SMYD5: variants seen among roughly 807,000 people sequenced by gnomAD.
SMYD5 encodes the protein SMYD family member 5.
Under a neutral mutation model 57.4 loss-of-function variants are expected in SMYD5, and 35 were observed. The observed-to-expected ratio is 0.61, with a 90% confidence interval of 0.47 to 0.81. SMYD5 has a LOEUF of 0.81. Ranked by LOEUF, SMYD5 falls within the 30% of genes least tolerant of loss-of-function variation. SMYD5 has a pLI of 0.00. For synonymous variants in SMYD5, 198 were observed against 189.7 expected (o/e 1.04, Z -0.36); for missense variants, 471 against 527.9 (o/e 0.89, Z 1.06).
At chr2:73,215,070 A>C (rs1392901476) in intron 1 of SMYD5, among the ~76,000 whole-genome samples, 2 of 152,214 alleles carry the variant, frequency 1.3e-5, no homozygotes, top group African/African-American at 4.8e-5. Flanking sequence ...ATTAAGTTTT[A>C]AGAGCTGAGT....
rs755109048 is a variant in SMYD5 at position 73,220,152 on chromosome 2, G to A, written c.307G>A (p.Val103Met). The A allele has an allele frequency of 1.2e-6, 2 of 1,614,182 alleles. No individual in the cohort carries two copies. Among genetic ancestry groups the A allele is most frequent in the Admixed American group, 3.3e-5 (2 of 60,020 alleles). Residue 103 changes from valine (V) to methionine (M), a missense_variant, in exon 3 of 13, where the codon GTG becomes ATG. Transcript: ENST00000389501. ...TCTGCCTCACCCAGAGCTGTGCACT[G>A]TGCGCAAAGACCTCCACCAGAACTG... The part of the protein sequence containing the change: ...QVLPHPELCT[V>M]RKDLHQNCPH...
At position 73,223,101 on chromosome 2, in the gene SMYD5, G is replaced by T; in HGVS notation, c.771G>T (p.Gly257=). Reference sequence around the variant, plus strand: ...TTGGGACCAATGGCCAAGGAATCGGGACCAGGTTAGAATGTTCCAGAGCTA... The same window carrying T: ...TTGGGACCAATGGCCAAGGAATCGGTACCAGGTTAGAATGTTCCAGAGCTA... The part of the protein sequence containing the change: ...ALVGTNGQGI[G]TSSLSQWVHA... The change falls in exon 8 of 13, where the codon GGG becomes GGT. Residue 257 remains glycine, a synonymous_variant. Coordinates refer to ENST00000389501, the MANE Select transcript of SMYD5 (RefSeq NM_006062.3). 1 of 1,613,750 alleles carries T rather than the reference G, an allele frequency of 6.2e-7. No individual in the cohort carries two copies. The highest frequency in any genetic ancestry group is 1.1e-5 in the South Asian group (1 of 91,054).
chr2:73,217,933 C>T (rs1448205754), intron 1 of SMYD5, among the ~76,000 whole-genome samples: 1 of 152,134 alleles, frequency 6.6e-6, no homozygotes, highest in African/African-American at 2.4e-5. Flanking sequence ...ATTCTTCATC[C>T]TTTACATGAT....
intron 10 of SMYD5, 64 bp from the exon 11 acceptor site, chr2:73,224,802 T>C (rs2103721978): frequency 7.8e-7 from 1 of 1,288,112 alleles, no homozygotes; most frequent in Non-Finnish European, 1.1e-6. Context: ...CCCAGTGCTC[T>C]GCAGAATTGA....
At chr2:73,216,276 C>T (rs769774337) in intron 1 of SMYD5, among the ~76,000 whole-genome samples, 3 of 152,152 alleles carry the variant, frequency 2.0e-5, no homozygotes, top group South Asian at 2.1e-4. Flanking sequence ...ATAGTCTGCC[C>T]GGGCATGGTG....
At chr2:73,217,605 T>A (rs1686313629) in intron 1 of SMYD5, among the ~76,000 whole-genome samples, 1 of 152,198 alleles carries the variant, frequency 6.6e-6, no homozygotes, top group South Asian at 2.1e-4. Context: ...CCTGTCCCAC[T>A]CTACTGTGAG....
chr2:73,220,654 C>G lies in SMYD5; in HGVS notation c.346-7C>G. ...CCTTGGGTACTGACCTCTATCCCAC[C>G]TAACAGGTGATGTACTGCAGTGCAG... On this transcript the variant is annotated splice_polypyrimidine_tract_variant and splice_region_variant and intron_variant, in intron 3 of 12. Coordinates refer to ENST00000389501, the MANE Select transcript of SMYD5 (RefSeq NM_006062.3). The G allele has an allele frequency of 6.2e-7, 1 of 1,613,954 alleles. No individual in the cohort carries two copies. Among genetic ancestry groups the G allele is most frequent in the Non-Finnish European group, 8.5e-7 (1 of 1,179,988 alleles).
chr2:73,218,443 T>G (rs535020776), intron 1 of SMYD5, among the ~76,000 whole-genome samples: 171 of 152,322 alleles, frequency 1.1e-3, no homozygotes, highest in African/African-American at 4.0e-3. Flanking sequence ...TGCAACCCTG[T>G]GTAGCAACAC....
Position 73,221,859 on chromosome 2 carries a change from T to C in SMYD5, c.571T>C (p.Ser191Pro), listed in dbSNP as rs756745342. ...KDKDRWIRLF[S>P]QFCNKTANEE... ...CAAGGACCGTTGGATCAGACTCTTT[T>C]CCCAGTTTTGTAACAAAACAGCCAA... Residue 191 changes from serine to proline, a missense_variant, in exon 6 of 13, where the codon TCC (serine) becomes CCC (proline). Transcript: ENST00000389501. 6.2e-7 allele frequency: 1 copy of C among 1,614,022 alleles called. No individual in the cohort carries two copies. Among genetic ancestry groups the C allele is most frequent in the Admixed American group, 1.7e-5 (1 of 60,012 alleles).
In SMYD5 at chr2:73,220,109, C is replaced by G; in HGVS notation, c.264C>G (p.Thr88=). The change falls in exon 3 of 13, where the codon ACC becomes ACG. Residue 88 remains threonine (T), a synonymous_variant. Transcript: ENST00000389501. The stretch of plus-strand genomic sequence containing the variant: ...CAGAGGAGAATGCCCAGAGGCTGAC[C>G]GGGAAACCAGGCCAGGTTCTGCCTC... ...EKAEENAQRL[T]GKPGQVLPHP... The G allele has an allele frequency of 3.1e-6, 5 of 1,614,128 alleles. No homozygotes were observed. Among genetic ancestry groups the G allele is most frequent in the Non-Finnish European group, 4.2e-6 (5 of 1,180,028 alleles).
chr2:73,223,699 C>T (rs1423269476), intron 9 of SMYD5, among the ~76,000 whole-genome samples, 167 bp downstream of exon 9: 3 of 152,120 alleles, frequency 2.0e-5, no homozygotes, highest in African/African-American at 7.2e-5. Flanking sequence ...AGGTGAGAAA[C>T]AGCCCCAAGA....
At chr2:73,223,297 C>T (rs1686432316) in intron 8 of SMYD5, 129 bp from the exon 9 acceptor site, 13 of 814,804 alleles carry the variant, frequency 1.6e-5, no homozygotes, top group Non-Finnish European at 2.7e-5. Context: ...GAAGATGGGC[C>T]CCCACCTGGA....
intron 2 of SMYD5, 80 bp from the exon 3 acceptor site, chr2:73,219,971 C>G: frequency 6.4e-7 from 1 of 1,565,052 alleles, no homozygotes; most frequent in Middle Eastern, 1.7e-4. Flanking sequence ...TGGCACATAG[C>G]AGCTGCTCTG....
chr2:73,214,832 TG>T lies in SMYD5; in HGVS notation c.96+475del. The T allele has an allele frequency of 1.5e-5, 20 of 1,299,998 alleles. No homozygotes were observed. The South Asian group carries it at 2.2e-4, about 15-fold the overall frequency. The allele number at this position is 1,299,998 out of a possible 1,614,324, so 80.5% of individuals were successfully genotyped here. A position where few individuals can be genotyped will look rare whatever the true frequency, so the allele number is the denominator to read the frequency against. Reference sequence around the variant, plus strand: ...AATTTGGACCAGAGTCCAAAGGCCGTGGGGGCATTGGGAGAGTTTTTAGCAG... The same window carrying T: ...AATTTGGACCAGAGTCCAAAGGCCGTGGGGCATTGGGAGAGTTTTTAGCAG... On this transcript the variant is annotated intron_variant, in intron 1 of 12. Transcript: ENST00000389501.
chr2:73,219,756 T>C (rs1686350229), intron 2 of SMYD5, among the ~76,000 whole-genome samples: 1 of 152,032 alleles, frequency 6.6e-6, no homozygotes, highest in Non-Finnish European at 1.5e-5. Flanking sequence ...AAGCCCAGTT[T>C]GGGGGTGGTA....
chr2:73,218,596 G>A (rs1183393847), intron 1 of SMYD5, among the ~76,000 whole-genome samples: 1 of 152,260 alleles, frequency 6.6e-6, no homozygotes, highest in African/African-American at 2.4e-5. Flanking sequence ...TCAGTAATCT[G>A]AGATGGCTGC....
In SMYD5 at chr2:73,215,021, G is replaced by A. The variant is rs1376765467; in HGVS notation, c.96+659G>A. 3.3e-5 allele frequency among the ~76,000 whole-genome samples: 5 copies of A among 152,220 alleles called. No individual in the cohort carries two copies. The East Asian group carries it at 9.6e-4, about 29-fold the overall frequency. On this transcript the variant is annotated intron_variant, in intron 1 of 12. Transcript: ENST00000389501. ...ACATTTTTAGAAACTGCTTTTTGAT[G>A]CAGCAGTGAATCTTTCAATATCAAG... is the stretch of plus-strand genomic sequence containing the variant.
intron 5 of SMYD5, 135 bp downstream of exon 5, chr2:73,221,369 A>T: frequency 1.5e-6 from 1 of 673,102 alleles, no homozygotes; most frequent in East Asian, 2.9e-5. Flanking sequence ...GCTCCTTGCT[A>T]TGTAAAACCT....
At chr2:73,215,886 T>C (rs939203553) in intron 1 of SMYD5, among the ~76,000 whole-genome samples, 1 of 152,204 alleles carries the variant, frequency 6.6e-6, no homozygotes, top group African/African-American at 2.4e-5. Flanking sequence ...TTTTTTTCTC[T>C]GTGTTATTTT....
Sources: gnomAD v4.1 joint callset for allele counts (sites outside exome capture counted in the v4.1 genomes callset) on GRCh38, gnomAD v4.1.1 for gene constraint, MANE v1.5 for transcripts, NCBI Gene and HGNC (gene_info 2026-07-23, HGNC 2026-07-21) for gene names.